CHN1: variants seen among roughly 807,000 people sequenced by gnomAD.
CHN1 encodes N-chimaerin.
Under a neutral mutation model 59.5 loss-of-function variants are expected in CHN1, and 37 were observed. That is an observed-to-expected ratio of 0.62 (90% CI 0.48 to 0.82). CHN1 has a LOEUF of 0.82. CHN1 is among the 40% of genes least tolerant of loss of function. The probability of loss-of-function intolerance (pLI) is 0.00; values close to 1 mark genes in which losing one functional copy is unlikely to be tolerated. For synonymous variants in CHN1, 206 were observed against 200.4 expected, an observed-to-expected ratio of 1.03 and a Z score of -0.24; for missense variants, 469 against 571.0, an observed-to-expected ratio of 0.82 and a Z score of 1.82.
At chr2:174,949,442 C>A (rs1015088244) in intron 2 of CHN1, among the ~76,000 whole-genome samples, 1 of 152,078 alleles carries the variant, frequency 6.6e-6, no homozygotes, top group Non-Finnish European at 1.5e-5. Context: ...CCTCCACCTC[C>A]CAAGTAGCTG....
At chr2:174,971,971 G>A (rs1223473745) in intron 1 of CHN1, among the ~76,000 whole-genome samples, 3 of 152,190 alleles carry the variant, frequency 2.0e-5, no homozygotes, top group Admixed American at 6.5e-5. Context: ...CCTTCTCAGA[G>A]GCAGATGCAG....
rs182018140 is a variant in CHN1 at position 174,841,510 on chromosome 2, G to A, written c.627+5370C>T. Among the ~76,000 whole-genome samples, 30 of 152,266 alleles carry A rather than the reference G, an allele frequency of 2.0e-4. 1 individual carries two copies. The highest frequency in any genetic ancestry group is 6.7e-4 in the African/African-American group (28 of 41,560). On this transcript the variant is annotated intron_variant, in intron 7 of 12. Transcript: ENST00000409900. The stretch of plus-strand genomic sequence containing the variant: ...CTCTTCATCAGTCCTCTACATGTCC[G>A]ATTGCCTTAGGCAGACAGAACCTAT...
intron 1 of CHN1, among the ~76,000 whole-genome samples, chr2:174,952,618 A>G (rs181903940): frequency 5.1e-4 from 78 of 152,386 alleles, no homozygotes; most frequent in African/African-American, 1.9e-3. Flanking sequence ...GCAAAAGTTA[A>G]GTATTTCTAT....
At chr2:174,876,114 C>T (rs1478892534) in intron 6 of CHN1, among the ~76,000 whole-genome samples, 1 of 152,136 alleles carries the variant, frequency 6.6e-6, no homozygotes, top group Non-Finnish European at 1.5e-5. Flanking sequence ...CCTGGAGCTA[C>T]AAGGGTGTTC....
chr2:174,917,791 TTTATC>T (rs1688889343), intron 4 of CHN1, among the ~76,000 whole-genome samples: 1 of 152,128 alleles, frequency 6.6e-6, no homozygotes, highest in Non-Finnish European at 1.5e-5. Context: ...AATGTATACT[TTTATC>T]TGATATGATC....
rs1685068529 is a variant in CHN1, at chr2:174,811,402, A to G, written c.964+109T>C. On this transcript the variant is annotated intron_variant, in intron 10 of 12. Coordinates refer to ENST00000409900, the MANE Select transcript of CHN1 (RefSeq NM_001822.7). ...GCTAAGTTTTTTAATTTGGTATAAT[A>G]ATCATCAATGATTTAGAAAAATAAT... The G allele has an allele frequency of 4.5e-6, 3 of 674,116 alleles. No homozygotes were observed. The East Asian group carries it at 8.6e-5, about 19-fold the overall frequency. The allele number at this position is 674,116 out of a possible 1,614,324, so 41.8% of individuals were successfully genotyped here. A position where few individuals can be genotyped will look rare whatever the true frequency, so the allele number is the denominator to read the frequency against.
chr2:174,847,842 T>C (rs1686588255), intron 6 of CHN1: 2 of 443,682 alleles, frequency 4.5e-6, no homozygotes, highest in Admixed American at 2.9e-5. Context: ...TCATGCATTA[T>C]TGCAAAATGG....
intron 1 of CHN1, among the ~76,000 whole-genome samples, chr2:174,981,831 A>G (rs1355332826): frequency 6.6e-6 from 1 of 152,154 alleles, no homozygotes; most frequent in Non-Finnish European, 1.5e-5. Context: ...GTTTTAGGGT[A>G]CATGTGCACA....
At chr2:174,981,709 G>A (rs2105450198) in intron 1 of CHN1, among the ~76,000 whole-genome samples, 1 of 152,224 alleles carries the variant, frequency 6.6e-6, no homozygotes, top group East Asian at 1.9e-4. Context: ...AACTTAGGAA[G>A]CAATTGTAAA....
At chr2:174,984,954 C>A (rs1024562888) in intron 1 of CHN1, among the ~76,000 whole-genome samples, 1 of 152,190 alleles carries the variant, frequency 6.6e-6, no homozygotes, top group Non-Finnish European at 1.5e-5. Flanking sequence ...AGTGCTTTCA[C>A]AACTCTCTAA....
chr2:174,928,469 C>T (rs1433138520), intron 3 of CHN1, among the ~76,000 whole-genome samples: 1 of 152,042 alleles, frequency 6.6e-6, no homozygotes, highest in Non-Finnish European at 1.5e-5. Flanking sequence ...TAATTGTAAG[C>T]ATTAATCAAT....
intron 1 of CHN1, among the ~76,000 whole-genome samples, chr2:174,975,611 T>C (rs1171915726): frequency 3.3e-5 from 5 of 151,826 alleles, no homozygotes; most frequent in African/African-American, 1.2e-4. Flanking sequence ...CATAAGCTCT[T>C]TTAATTTATA....
chr2:174,910,899 CAAAAA>C (rs10568066), intron 5 of CHN1, among the ~76,000 whole-genome samples: 2 of 76,636 alleles, frequency 2.6e-5, no homozygotes, highest in Admixed American at 1.4e-4. Flanking sequence ...GACTCCGTCT[CAAAAA>C]AAAAAAAAAA....
In CHN1 at chr2:174,809,010, A is replaced by G; in HGVS notation, c.997T>C (p.Tyr333His). The change falls in exon 11 of 13, where the codon TAT becomes CAT. Residue 333 changes from tyrosine to histidine, a missense_variant. Tyr to His is a moderately conservative substitution (Grantham distance 83). Coordinates refer to ENST00000409900, the MANE Select transcript of CHN1 (RefSeq NM_001822.7). ...GEKADISVNM[Y>H]EDINIITGAL... ...CCAGTGATAATGTTGATATCTTCAT[A>G]CATGTTCACAGAAATATCTGCCTTC... 6.2e-7 allele frequency: 1 copy of G among 1,610,950 alleles called. No homozygotes were observed. The highest frequency in any genetic ancestry group is 1.1e-5 in the South Asian group (1 of 89,910).
intron 1 of CHN1, among the ~76,000 whole-genome samples, chr2:174,973,458 G>A (rs1690823340): frequency 6.6e-6 from 1 of 152,158 alleles, no homozygotes; most frequent in South Asian, 2.1e-4. Flanking sequence ...TATACTTCAA[G>A]GCCAGGGAAG....
chr2:174,972,244 T>C (rs1191974587), intron 1 of CHN1, among the ~76,000 whole-genome samples: 2 of 152,000 alleles, frequency 1.3e-5, no homozygotes, highest in Non-Finnish European at 2.9e-5. Flanking sequence ...CCAAAAAGAG[T>C]TGTCATCTCA....
At chr2:174,834,451 A>C (rs980988392) in intron 7 of CHN1, among the ~76,000 whole-genome samples, 2 of 152,188 alleles carry the variant, frequency 1.3e-5, no homozygotes, top group Non-Finnish European at 2.9e-5. Context: ...CCAGTCTCCT[A>C]GGGATGAATT....
intron 1 of CHN1, among the ~76,000 whole-genome samples, chr2:175,000,377 G>A (rs947374112): frequency 6.6e-6 from 1 of 151,298 alleles, no homozygotes; most frequent in African/African-American, 2.4e-5. Context: ...GACCTCAAGT[G>A]ATCATCCACC....
At chr2:174,957,964 G>A (rs73031939) in intron 1 of CHN1, among the ~76,000 whole-genome samples, 6,897 of 152,156 alleles carry the variant, frequency 0.045, 214 homozygotes, top group African/African-American at 0.084. Context: ...CACCGAGGCC[G>A]GGAGAGCTTC....
Sources: gnomAD v4.1 joint callset for allele counts (sites outside exome capture counted in the v4.1 genomes callset) on GRCh38, gnomAD v4.1.1 for gene constraint, MANE v1.5 for transcripts, NCBI Gene and HGNC (gene_info 2026-07-23, HGNC 2026-07-21) for gene names.